ACSL1: variants seen among roughly 807,000 people sequenced by gnomAD.
The protein encoded by ACSL1 is long-chain-fatty-acid--CoA ligase 1.
In ACSL1, 41 loss-of-function variants were observed where a neutral mutation model predicts 98.4. The observed-to-expected ratio is 0.42, with a 90% CI of 0.32 to 0.54. The LOEUF (loss-of-function observed/expected upper bound fraction) is 0.54. Among genes scored for constraint, ACSL1 ranks in the 20% least tolerant of loss-of-function variants. The probability of loss-of-function intolerance (pLI) is 0.13; values close to 1 mark genes in which losing one functional copy is unlikely to be tolerated. For missense variants in ACSL1, 734 were observed against 883.1 expected, an observed-to-expected ratio of 0.83 and a Z score of 2.14; for synonymous variants, 316 against 322.7, an observed-to-expected ratio of 0.98 and a Z score of 0.22.
intron 2 of ACSL1, among the ~76,000 whole-genome samples, chr4:184,802,547 AG>A (rs1005891577): frequency 3.3e-5 from 5 of 152,124 alleles, no homozygotes; most frequent in African/African-American, 1.2e-4. Context: ...TGGAAGCACC[AG>A]TGAGCATGCG....
At chr4:184,771,449 T>C (rs927948599) in intron 10 of ACSL1, among the ~76,000 whole-genome samples, 1 of 152,194 alleles carries the variant, frequency 6.6e-6, no homozygotes, top group African/African-American at 2.4e-5. Flanking sequence ...TTTTAATACC[T>C]TAAAGCCCTA....
At chr4:184,762,064 T>C (rs1346978156) in intron 17 of ACSL1, among the ~76,000 whole-genome samples, 1 of 146,926 alleles carries the variant, frequency 6.8e-6, no homozygotes, top group Admixed American at 6.8e-5. Flanking sequence ...GAGGTGGAGG[T>C]TGCAGTGAGC....
chr4:184,805,355 T>C (rs768868162), intron 1 of ACSL1: 5 of 484,494 alleles, frequency 1.0e-5, no homozygotes, highest in Non-Finnish European at 1.3e-5. Context: ...GCTCTGCTCA[T>C]TCAATCTCTG....
chr4:184,800,869 T>G (rs181716092), intron 2 of ACSL1, among the ~76,000 whole-genome samples: 1 of 152,328 alleles, frequency 6.6e-6, no homozygotes, highest in East Asian at 1.9e-4. Flanking sequence ...TTATTTTTCT[T>G]AGGGACAAGG....
intron 1 of ACSL1, among the ~76,000 whole-genome samples, chr4:184,822,924 A>G (rs2150507031): frequency 6.6e-6 from 1 of 152,286 alleles, no homozygotes; most frequent in South Asian, 2.1e-4. Context: ...CGCTGCCACA[A>G]ACCCTGGTAA....
At chr4:184,800,413 G>C (rs554964608) in intron 2 of ACSL1, among the ~76,000 whole-genome samples, 1 of 152,322 alleles carries the variant, frequency 6.6e-6, no homozygotes, top group Non-Finnish European at 1.5e-5. Context: ...AAGGTTTCCA[G>C]TCACTCCAGT....
At chr4:184,778,408 G>A (rs539302125) in intron 5 of ACSL1, among the ~76,000 whole-genome samples, 30 of 152,294 alleles carry the variant, frequency 2.0e-4, no homozygotes, top group African/African-American at 4.8e-4. Context: ...CACATGTGAC[G>A]CATGAGGAAG....
At chr4:184,813,792 T>C in intron 1 of ACSL1, 1 of 455,178 alleles carries the variant, frequency 2.2e-6, no homozygotes. Context: ...GCAGAGAGGA[T>C]CAAATGTCCT....
intron 2 of ACSL1, among the ~76,000 whole-genome samples, chr4:184,794,577 C>T (rs992270257): frequency 6.6e-6 from 1 of 151,978 alleles, no homozygotes; most frequent in African/African-American, 2.4e-5. Context: ...ATGGAGCCTG[C>T]TAAAGGCCAG....
intron 1 of ACSL1, among the ~76,000 whole-genome samples, chr4:184,822,149 A>G (rs1214416828): frequency 2.6e-5 from 4 of 152,064 alleles, no homozygotes; most frequent in Non-Finnish European, 5.9e-5. Context: ...TTGAGATTTT[A>G]TTTTATTGTT....
Position 184,814,400 on chromosome 4 carries a change from G to C in ACSL1, c.-32-10854C>G, listed in dbSNP as rs112966430. ...CAAGACTATGTAAGAGAAGGGAAAA[G>C]ATGGCCACACAATCCTGGCGTCCAG... On this transcript the variant is annotated intron_variant, in intron 1 of 20. Coordinates refer to ENST00000281455, the MANE Select transcript of ACSL1 (RefSeq NM_001995.5). 5.9e-3 allele frequency among the ~76,000 whole-genome samples: 898 copies of C among 151,114 alleles called. 9 individuals are homozygous for C. The highest frequency in any genetic ancestry group is 0.021 in the African/African-American group (868 of 41,178).
chr4:184,808,174 T>C (rs1157331000), intron 1 of ACSL1: 3 of 416,000 alleles, frequency 7.2e-6, no homozygotes, highest in Non-Finnish European at 9.7e-6. Flanking sequence ...ACCATGAAAA[T>C]AGTGGCTCAG....
chr4:184,767,138 C>T (rs536810311), intron 12 of ACSL1, among the ~76,000 whole-genome samples: 243 of 151,970 alleles, frequency 1.6e-3, no homozygotes, highest in Non-Finnish European at 2.3e-3. Context: ...AGAAATTAGC[C>T]GGGCATGGTG....
chr4:184,798,291 A>G (rs1769809098), intron 2 of ACSL1: 2 of 152,256 alleles, frequency 1.3e-5, no homozygotes, highest in African/African-American at 2.4e-5. Flanking sequence ...GAAGGCATAA[A>G]AAAGTTTTTA....
chr4:184,785,175 A>T (rs1029778096), intron 3 of ACSL1, among the ~76,000 whole-genome samples: 7 of 152,188 alleles, frequency 4.6e-5, no homozygotes, highest in Non-Finnish European at 7.4e-5. Context: ...CAAAGCCAAA[A>T]ATATTTACTA....
At chr4:184,802,176 T>C (rs922773584) in intron 2 of ACSL1, among the ~76,000 whole-genome samples, 13 of 152,260 alleles carry the variant, frequency 8.5e-5, no homozygotes, top group African/African-American at 2.7e-4. Context: ...GTTCAGTCAT[T>C]CTATATTTAT....
intron 2 of ACSL1, among the ~76,000 whole-genome samples, chr4:184,797,755 G>A (rs886552402): frequency 3.9e-5 from 6 of 152,184 alleles, no homozygotes; most frequent in African/African-American, 1.4e-4. Flanking sequence ...CAAGGACAAG[G>A]GGTCCGAGCG....
intron 2 of ACSL1, among the ~76,000 whole-genome samples, chr4:184,789,883 C>CT (rs11309893): frequency 3.3e-4 from 49 of 146,732 alleles, no homozygotes; most frequent in African/African-American, 1.1e-3. Flanking sequence ...TAGAGCCTAC[C>CT]TTTTTTTTTT....
Position 184,780,447 on chromosome 4 carries a change from G to T in ACSL1, c.376-14C>A. ...CAATTCTGCAACCTAAAATGGAGAGGAAAAAGTCAGAAGCAGCATTGGGCC... is the reference window on the plus strand; with the variant it reads ...CAATTCTGCAACCTAAAATGGAGAGTAAAAAGTCAGAAGCAGCATTGGGCC... On this transcript the variant is annotated splice_polypyrimidine_tract_variant and intron_variant, in intron 4 of 20. Coordinates refer to ENST00000281455, the MANE Select transcript of ACSL1 (RefSeq NM_001995.5). 6.2e-7 allele frequency: 1 copy of T among 1,602,486 alleles called. No homozygotes were observed.
Sources: gnomAD v4.1 joint callset for allele counts (sites outside exome capture counted in the v4.1 genomes callset) on GRCh38, gnomAD v4.1.1 for gene constraint, MANE v1.5 for transcripts, NCBI Gene and HGNC (gene_info 2026-07-23, HGNC 2026-07-21) for gene names.